The following SFI1 variants were observed in gnomAD, a reference collection of about 807,000 sequenced individuals.
The protein encoded by SFI1 is protein SFI1 homolog.
In SFI1, 195 loss-of-function variants were observed where a neutral mutation model predicts 207.5. The ratio of observed to expected loss-of-function variants is 0.94; its 90% CI spans 0.84 to 1.06. The LOEUF is 1.06. Among genes scored for constraint, SFI1 ranks in the 50% least tolerant of loss-of-function variants. The probability of loss-of-function intolerance (pLI) is 0.00; values close to 1 mark genes in which losing one functional copy is unlikely to be tolerated. For missense variants in SFI1, 1,634 were observed against 1,588.0 expected, an observed-to-expected ratio of 1.03 and a Z score of -0.49; for synonymous variants, 630 against 598.9, an observed-to-expected ratio of 1.05 and a Z score of -0.76.
At chr22:31,552,723 T>C (rs2060735676) in intron 6 of SFI1, among the ~76,000 whole-genome samples, 1 of 152,212 alleles carries the variant, frequency 6.6e-6, no homozygotes, top group South Asian at 2.1e-4. Context: ...ATGGTGGTTC[T>C]GTTTTTAGTT....
chr22:31,615,178 GC>G lies in SFI1; in HGVS notation c.3203del (p.Pro1068LeufsTer119). On this transcript the variant is annotated frameshift_variant, in exon 29 of 33. Transcript: ENST00000400288. LOFTEE classifies it high-confidence loss of function. ...CCCCCTGCCTGGGGCCCTGTCAAGC[GC>G]CCCTGGCCCGAAGCAGCCCCCGACG... is the stretch of plus-strand genomic sequence containing the variant. The part of the protein sequence containing the change: ...HSPLPGALSS[A>X]PGPKQPPTAS... 1.9e-6 allele frequency: 3 copies of G among 1,598,904 alleles called. No homozygotes were observed. Among genetic ancestry groups the G allele is most frequent in the South Asian group, 1.1e-5 (1 of 90,400 alleles).
In SFI1 at chr22:31,549,288, T is replaced by TAAAAAAAAAAAAAAA. The variant is rs59382278; in HGVS notation, c.450-953_450-939dup. ...CTAGGTGACAGAGTGAGACCCTGTG[T>TAAAAAAAAAAAAAAA]AAAAAAAAAAAAAAAAAAAAAAAAA... On this transcript the variant is annotated intron_variant, in intron 5 of 32. Transcript: ENST00000400288. 5.4e-5 allele frequency among the ~76,000 whole-genome samples: 2 copies of TAAAAAAAAAAAAAAA among 37,222 alleles called. 1 individual carries two copies. Among genetic ancestry groups the TAAAAAAAAAAAAAAA allele is most frequent in the African/African-American group, 2.5e-4 (2 of 8,062 alleles). The allele number at this position is 37,222 out of a possible 152,430, so 24.4% of individuals were successfully genotyped here. A position where few individuals can be genotyped will look rare whatever the true frequency, so the allele number is the denominator to read the frequency against.
At chr22:31,508,919 A>G (rs1446509885) in intron 2 of SFI1, among the ~76,000 whole-genome samples, 1 of 152,118 alleles carries the variant, frequency 6.6e-6, no homozygotes, top group Admixed American at 6.6e-5. Flanking sequence ...AAGTTTGTAA[A>G]TATACCATCT....
chr22:31,497,546 C>T (rs953157401), intron 1 of SFI1, among the ~76,000 whole-genome samples: 3 of 152,154 alleles, frequency 2.0e-5, no homozygotes, highest in Admixed American at 6.6e-5. Context: ...TCTCGGTCCT[C>T]CTTGTAGCCT....
intron 15 of SFI1, among the ~76,000 whole-genome samples, chr22:31,590,935 A>G (rs949654806): frequency 2.0e-5 from 3 of 149,822 alleles, no homozygotes; most frequent in Middle Eastern, 3.4e-3. Context: ...GCTTTTCTAT[A>G]TTCCAACTTT....
intron 29 of SFI1, chr22:31,615,490 A>G: frequency 2.3e-6 from 1 of 437,852 alleles, no homozygotes; most frequent in Non-Finnish European, 4.0e-6. Flanking sequence ...CCTGAAGCTT[A>G]TATTCTAGTC....
At chr22:31,514,114 C>T (rs1274340110) in intron 2 of SFI1, among the ~76,000 whole-genome samples, 2 of 147,658 alleles carry the variant, frequency 1.4e-5, no homozygotes, top group East Asian at 2.1e-4. Context: ...GCACTCCAGC[C>T]CGGGTGACGG....
At chr22:31,611,054 A>T in intron 22 of SFI1, 89 bp from the exon 23 acceptor site, 1 of 1,557,164 alleles carries the variant, frequency 6.4e-7, no homozygotes, top group Non-Finnish European at 8.8e-7. Flanking sequence ...ATCCCTGCAC[A>T]GCCATCTCTG....
At chr22:31,497,444 G>A (rs2052884152) in intron 1 of SFI1, 1 of 152,064 alleles carries the variant, frequency 6.6e-6, no homozygotes, top group South Asian at 2.1e-4. Context: ...AATTGTTTTA[G>A]GTGGCCACGA....
chr22:31,562,841 G>C (rs2061857145), intron 8 of SFI1, among the ~76,000 whole-genome samples: 1 of 151,678 alleles, frequency 6.6e-6, no homozygotes, highest in Non-Finnish European at 1.5e-5. Flanking sequence ...CACCATGTTA[G>C]CCAGGATGGT....
At chr22:31,593,028 G>A (rs1341662719) in intron 15 of SFI1, among the ~76,000 whole-genome samples, 1 of 135,016 alleles carries the variant, frequency 7.4e-6, no homozygotes, top group Admixed American at 7.0e-5. Flanking sequence ...CTGGCCAGGT[G>A]GGGGGCTGAC....
intron 13 of SFI1, 41 bp from the exon 14 acceptor site, chr22:31,585,027 T>TA (rs2064837775): frequency 6.3e-7 from 1 of 1,599,534 alleles, no homozygotes; most frequent in Non-Finnish European, 8.5e-7. Context: ...AACAAAGTTT[T>TA]AAAAACTTGA....
chr22:31,613,019 G>A (rs999631748), intron 24 of SFI1, 123 bp from the exon 25 acceptor site: 2 of 981,298 alleles, frequency 2.0e-6, no homozygotes, highest in Non-Finnish European at 3.0e-6. Flanking sequence ...GCCCTTCCTA[G>A]TGGAGGAAGT....
At position 31,561,400 on chromosome 22, in the gene SFI1, C is replaced by T. The variant is rs778053366; in HGVS notation, c.765+8C>T. 31 of 1,610,762 alleles carry T rather than the reference C, an allele frequency of 1.9e-5. No homozygotes were observed. The African/African-American group carries it at 3.3e-4, about 17-fold the overall frequency. On this transcript the variant is annotated splice_region_variant and intron_variant, in intron 8 of 32. Transcript: ENST00000400288. Reference sequence around the variant, plus strand: ...CTGAGCCTCCAGGTGCAGGTGAGTCCAGCAGACGTGGGATTTGGCATCCTC... The same window carrying T: ...CTGAGCCTCCAGGTGCAGGTGAGTCTAGCAGACGTGGGATTTGGCATCCTC...
intron 28 of SFI1, 66 bp from the exon 29 acceptor site, chr22:31,614,982 T>C (rs760983484): frequency 1.7e-5 from 27 of 1,581,180 alleles, no homozygotes; most frequent in Admixed American, 9.1e-5. Context: ...CCCCTTTCCT[T>C]CTTGTTCTTT....
At chr22:31,602,865 T>G in intron 17 of SFI1, 80 bp downstream of exon 17, 1 of 1,480,892 alleles carries the variant, frequency 6.8e-7, no homozygotes, top group African/African-American at 1.4e-5. Flanking sequence ...GAGCTCCAAG[T>G]GCCTGTCTGG....
At chr22:31,510,054 C>A (rs149079536) in intron 2 of SFI1, among the ~76,000 whole-genome samples, 1 of 152,054 alleles carries the variant, frequency 6.6e-6, no homozygotes, top group African/African-American at 2.4e-5. Flanking sequence ...AGGCTGGTCT[C>A]AAATTCCTGA....
At chr22:31,579,561 C>T (rs968964628) in intron 11 of SFI1, among the ~76,000 whole-genome samples, 6 of 152,238 alleles carry the variant, frequency 3.9e-5, no homozygotes, top group South Asian at 2.1e-4. Flanking sequence ...GTGATCCGCC[C>T]GCCTCGGCCT....
At chr22:31,558,287 G>A (rs971122110) in intron 7 of SFI1, among the ~76,000 whole-genome samples, 4 of 152,168 alleles carry the variant, frequency 2.6e-5, no homozygotes, top group African/African-American at 9.7e-5. Flanking sequence ...AACACTTTGG[G>A]AGGCTAAGAT....
Sources: gnomAD v4.1 joint callset for allele counts (sites outside exome capture counted in the v4.1 genomes callset) on GRCh38, gnomAD v4.1.1 for gene constraint, MANE v1.5 for transcripts, NCBI Gene and HGNC (gene_info 2026-07-23, HGNC 2026-07-21) for gene names.